Variants in NTNG1 observed in about 807,000 individuals in gnomAD.
NTNG1 encodes netrin-G1.
Under a neutral mutation model 54.0 loss-of-function variants are expected in NTNG1, and 16 were observed. The observed-to-expected ratio is 0.30, with a 90% CI of 0.20 to 0.45. The LOEUF (loss-of-function observed/expected upper bound fraction) is 0.45. Among genes scored for constraint, NTNG1 ranks in the 20% least tolerant of loss-of-function variants. The probability of loss-of-function intolerance (pLI) is 1.00; values close to 1 mark genes in which losing one functional copy is unlikely to be tolerated. For synonymous variants in NTNG1, 255 were observed against 263.1 expected (o/e 0.97, Z 0.30); for missense variants, 530 against 678.7 (o/e 0.78, Z 2.43).
At chr1:107,281,692 TAC>T (rs909454228) in intron 2 of NTNG1, among the ~76,000 whole-genome samples, 9 of 151,584 alleles carry the variant, frequency 5.9e-5, no homozygotes, top group African/African-American at 9.7e-5. Context: ...AATATATATA[TAC>T]ACACACACAC....
At chr1:107,454,281 C>T (rs1369400685) in intron 7 of NTNG1, among the ~76,000 whole-genome samples, 1 of 152,186 alleles carries the variant, frequency 6.6e-6, no homozygotes, top group African/African-American at 2.4e-5. Context: ...TTGTTCACTG[C>T]CCTCTGTGTG....
At position 107,365,123 on chromosome 1, in the gene NTNG1, A is replaced by AT. The variant is rs557464857; in HGVS notation, c.888-30030dup. Among the ~76,000 whole-genome samples, 76 of 152,294 alleles carry AT rather than the reference A, an allele frequency of 5.0e-4. 1 individual carries two copies. Among genetic ancestry groups the AT allele is most frequent in the Admixed American group, 4.6e-3 (70 of 15,292 alleles). Reference sequence around the variant, plus strand: ...TTTAAACTTACATATGGGGCCTTGTATCCAAAGCTCACATTACAGCTATAT... The same window carrying AT: ...TTTAAACTTACATATGGGGCCTTGTATTCCAAAGCTCACATTACAGCTATAT... On this transcript the variant is annotated intron_variant, in intron 3 of 7. Coordinates refer to ENST00000370068, the MANE Select transcript of NTNG1 (RefSeq NM_001113226.3).
chr1:107,279,839 C>T (rs559970741), intron 2 of NTNG1, among the ~76,000 whole-genome samples: 1 of 152,050 alleles, frequency 6.6e-6, no homozygotes, highest in African/African-American at 2.4e-5. Flanking sequence ...TGCCCAGGCT[C>T]GAGTGCAGGG....
At position 107,403,326 on chromosome 1, in the gene NTNG1, C is replaced by T. The variant is rs1027357090; in HGVS notation, c.1061-4356C>T. 5.3e-5 allele frequency among the ~76,000 whole-genome samples: 8 copies of T among 152,096 alleles called. No homozygotes were observed. In the East Asian group the frequency reaches 5.8e-4, roughly 11 times the overall value. On this transcript the variant is annotated intron_variant, in intron 4 of 7. Transcript: ENST00000370068. ...TAATAGCCCTTTAGCTTACTCAACACGTATGTATTTCTGTGGTTGAAGTGA... is the reference window on the plus strand; with the variant it reads ...TAATAGCCCTTTAGCTTACTCAACATGTATGTATTTCTGTGGTTGAAGTGA...
intron 2 of NTNG1, among the ~76,000 whole-genome samples, chr1:107,275,140 G>C (rs1664382920): frequency 6.6e-6 from 1 of 152,184 alleles, no homozygotes; most frequent in African/African-American, 2.4e-5. Context: ...ACTTTGGGAG[G>C]CTAAGGCAGG....
chr1:107,327,610 C>T (rs1029823023), intron 3 of NTNG1, among the ~76,000 whole-genome samples: 1 of 152,034 alleles, frequency 6.6e-6, no homozygotes, highest in Non-Finnish European at 1.5e-5. Context: ...TGCACCCGCC[C>T]CCACCATCCC....
At chr1:107,436,486 T>C (rs1675603972) in intron 6 of NTNG1, among the ~76,000 whole-genome samples, 179 bp from the exon 7 acceptor site, 2 of 152,166 alleles carry the variant, frequency 1.3e-5, no homozygotes, top group Admixed American at 6.5e-5. Flanking sequence ...AAAAATGATA[T>C]CATGGAAGGC....
At position 107,395,416 on chromosome 1, in the gene NTNG1, C is replaced by T. The variant is rs1485015046; in HGVS notation, c.1060+90C>T. On this transcript the variant is annotated intron_variant, in intron 4 of 7. Transcript: ENST00000370068. ...TGCTTACAATTGTGATTTTATTCCT[C>T]TTACCAGTTGTCTCATTCTTCTTTA... 3 of 1,182,616 alleles carry T rather than the reference C, an allele frequency of 2.5e-6. No individual in the cohort carries two copies. The South Asian group carries it at 3.6e-5, about 14-fold the overall frequency. The allele number at this position is 1,182,616 out of a possible 1,614,324, so 73.3% of individuals were successfully genotyped here.
chr1:107,206,497 C>T (rs945081964), intron 2 of NTNG1, among the ~76,000 whole-genome samples: 1 of 152,048 alleles, frequency 6.6e-6, no homozygotes, highest in African/African-American at 2.4e-5. Flanking sequence ...TCTTTCTAGG[C>T]AGGGTTCTTA....
At chr1:107,284,323 A>C (rs915698394) in intron 2 of NTNG1, among the ~76,000 whole-genome samples, 1 of 152,178 alleles carries the variant, frequency 6.6e-6, no homozygotes, top group South Asian at 2.1e-4. Flanking sequence ...GCCACTCTTG[A>C]TGAAGAAAAC....
At chr1:107,336,761 C>T (rs1436804137) in intron 3 of NTNG1, among the ~76,000 whole-genome samples, 2 of 151,950 alleles carry the variant, frequency 1.3e-5, no homozygotes, top group African/African-American at 4.8e-5. Flanking sequence ...GTATAAATTA[C>T]TCTTACAATT....
At position 107,299,318 on chromosome 1, in the gene NTNG1, AC is replaced by A. The variant is rs543047824; in HGVS notation, c.247-24963del. ...ACTTAGGTCATGTACTTAGGTCTGT[AC>A]TTAAAAATCAAGTATAAAATAAAAA... On this transcript the variant is annotated intron_variant, in intron 2 of 7. Coordinates refer to ENST00000370068, the MANE Select transcript of NTNG1 (RefSeq NM_001113226.3). 1.2e-3 allele frequency among the ~76,000 whole-genome samples: 189 copies of A among 152,326 alleles called. 1 individual carries two copies. Among genetic ancestry groups the A allele is most frequent in the African/African-American group, 4.4e-3 (184 of 41,582 alleles).
At chr1:107,392,510 A>G (rs550528395) in intron 3 of NTNG1, among the ~76,000 whole-genome samples, 1 of 152,160 alleles carries the variant, frequency 6.6e-6, no homozygotes, top group East Asian at 1.9e-4. Context: ...TTGGGTATCC[A>G]GAGGGGAGAG....
Position 107,361,552 on chromosome 1 carries a change from C to T in NTNG1, c.888-33602C>T, listed in dbSNP as rs1051562875. Among the ~76,000 whole-genome samples the T allele has an allele frequency of 7.3e-5, 11 of 151,458 alleles. 1 individual carries two copies. Among genetic ancestry groups the T allele is most frequent in the Admixed American group, 7.3e-4 (11 of 15,150 alleles). On this transcript the variant is annotated intron_variant, in intron 3 of 7. Transcript: ENST00000370068. Reference sequence around the variant, plus strand: ...TGCAGGCATGCACCACTATGCCCAGCTAATTTTGTATTTTTAGTAGACATG... The same window carrying T: ...TGCAGGCATGCACCACTATGCCCAGTTAATTTTGTATTTTTAGTAGACATG...
chr1:107,275,196 GT>G, intron 2 of NTNG1, among the ~76,000 whole-genome samples: 1 of 152,166 alleles, frequency 6.6e-6, no homozygotes, highest in East Asian at 1.9e-4. Context: ...GGCCAATATG[GT>G]GAAACCCTGT....
At chr1:107,427,755 T>A (rs1297412059) in intron 5 of NTNG1, among the ~76,000 whole-genome samples, 2 of 152,116 alleles carry the variant, frequency 1.3e-5, no homozygotes, top group African/African-American at 4.8e-5. Flanking sequence ...ATTTAAAGTA[T>A]CCAGTTATCA....
chr1:107,348,186 C>T (rs1367211809), intron 3 of NTNG1, among the ~76,000 whole-genome samples: 3 of 152,096 alleles, frequency 2.0e-5, no homozygotes, highest in South Asian at 4.2e-4. Flanking sequence ...AGTGCAGTGG[C>T]ATGGTCTTGG....
intron 7 of NTNG1, among the ~76,000 whole-genome samples, chr1:107,451,835 G>A (rs1286780063): frequency 6.6e-6 from 1 of 152,144 alleles, no homozygotes; most frequent in East Asian, 1.9e-4. Flanking sequence ...CCTTAAGGAT[G>A]TTGCTAAACT....
At chr1:107,281,321 C>T (rs7517024) in intron 2 of NTNG1, among the ~76,000 whole-genome samples, 54,413 of 151,756 alleles carry the variant, frequency 0.36, 10,451 homozygotes, top group East Asian at 0.49. Context: ...CCACAAGTCC[C>T]TTAACTGCTC....
Sources: allele counts gnomAD v4.1 joint callset (sites outside exome capture counted in the v4.1 genomes callset), GRCh38; gene constraint gnomAD v4.1.1; transcripts MANE v1.5; gene names NCBI Gene and HGNC (gene_info 2026-07-23, HGNC 2026-07-21).